Variants in SEMA3A observed in about 807,000 individuals in gnomAD.
SEMA3A encodes semaphorin 3A.
Under a neutral mutation model 97.9 loss-of-function variants are expected in SEMA3A, and 29 were observed. The ratio of observed to expected loss-of-function variants is 0.30; its 90% confidence interval spans 0.22 to 0.40. The LOEUF is 0.40. Among genes scored for constraint, SEMA3A ranks in the 10% least tolerant of loss-of-function variants. The pLI is 1.00. For synonymous variants in SEMA3A, 321 were observed against 323.7 expected, an observed-to-expected ratio of 0.99 and a Z score of 0.09; for missense variants, 763 against 951.3, an observed-to-expected ratio of 0.80 and a Z score of 2.60.
chr7:84,242,542 C>A (rs1799388487), intron 3 of SEMA3A, among the ~76,000 whole-genome samples: 1 of 152,130 alleles, frequency 6.6e-6, no homozygotes, highest in Non-Finnish European at 1.5e-5. Flanking sequence ...ATGGGGTTTT[C>A]TAAATATACA....
intron 1 of SEMA3A, among the ~76,000 whole-genome samples, chr7:84,137,520 T>G (rs952413755): frequency 1.3e-5 from 2 of 151,608 alleles, no homozygotes; most frequent in African/African-American, 4.8e-5. Context: ...CTGAGTTGTG[T>G]GAGGATGGAA....
chr7:84,283,050 T>C (rs1800486658), intron 3 of SEMA3A, among the ~76,000 whole-genome samples: 1 of 152,024 alleles, frequency 6.6e-6, no homozygotes, highest in Non-Finnish European at 1.5e-5. Flanking sequence ...TGAATAAAAT[T>C]ATGTAAATTT....
intron 2 of SEMA3A, among the ~76,000 whole-genome samples, chr7:84,334,700 A>T (rs1341910027): frequency 7.8e-6 from 1 of 128,872 alleles, no homozygotes; most frequent in Non-Finnish European, 1.6e-5. Context: ...CCCTTTTACT[A>T]CCTCCCTTTC....
At chr7:84,479,238 G>A (rs773756141) in intron 1 of SEMA3A, among the ~76,000 whole-genome samples, 40 of 152,246 alleles carry the variant, frequency 2.6e-4, no homozygotes, top group Non-Finnish European at 3.8e-4. Flanking sequence ...CAGTGATTAA[G>A]GTTAATGGCT....
intron 1 of SEMA3A, among the ~76,000 whole-genome samples, chr7:84,170,861 C>T (rs1192182243): frequency 1.3e-5 from 2 of 152,060 alleles, no homozygotes; most frequent in Non-Finnish European, 2.9e-5. Context: ...TTTTATAACA[C>T]TCATTTAATG....
intron 1 of SEMA3A, among the ~76,000 whole-genome samples, chr7:84,157,317 A>G (rs1277444980): frequency 6.6e-6 from 1 of 152,168 alleles, no homozygotes; most frequent in African/African-American, 2.4e-5. Flanking sequence ...TAAAATGACT[A>G]CATCCTTTGA....
At chr7:84,441,671 A>G (rs1805277456) in intron 1 of SEMA3A, among the ~76,000 whole-genome samples, 1 of 152,190 alleles carries the variant, frequency 6.6e-6, no homozygotes, top group Non-Finnish European at 1.5e-5. Context: ...GAATATACAC[A>G]TTAAAGAAAC....
intron 1 of SEMA3A, among the ~76,000 whole-genome samples, chr7:84,488,465 T>C (rs2116448476): frequency 6.6e-6 from 1 of 152,032 alleles, no homozygotes; most frequent in Non-Finnish European, 1.5e-5. Context: ...TCTTTGAAAG[T>C]GGTTGACAGC....
chr7:84,245,259 C>A (rs372385899), intron 3 of SEMA3A, among the ~76,000 whole-genome samples: 1 of 152,068 alleles, frequency 6.6e-6, no homozygotes, highest in Non-Finnish European at 1.5e-5. Context: ...TTCACATAAT[C>A]CCATATTTCT....
At chr7:83,989,954 T>C (rs553094487) in intron 12 of SEMA3A, among the ~76,000 whole-genome samples, 57 of 152,026 alleles carry the variant, frequency 3.7e-4, no homozygotes, top group Admixed American at 7.2e-4. Context: ...AGTATTCCTA[T>C]TTCTCCACAT....
intron 1 of SEMA3A, among the ~76,000 whole-genome samples, chr7:84,384,078 CAA>C (rs1253739155): frequency 6.6e-6 from 1 of 152,122 alleles, no homozygotes; most frequent in East Asian, 1.9e-4. Context: ...GTCTCAATTA[CAA>C]AGAGGGACAC....
chr7:84,433,307 ATGAG>A (rs1554386207), intron 1 of SEMA3A, among the ~76,000 whole-genome samples: 2 of 140,164 alleles, frequency 1.4e-5, no homozygotes, highest in Non-Finnish European at 3.0e-5. Flanking sequence ...ACTCTCACTT[ATGAG>A]TGAGAACATG....
chr7:84,435,984 C>A (rs1308865205), intron 1 of SEMA3A, among the ~76,000 whole-genome samples: 1 of 152,078 alleles, frequency 6.6e-6, no homozygotes, highest in Admixed American at 6.6e-5. Context: ...AAAACAGACA[C>A]ATAGATTAAT....
chr7:83,989,482 C>A (rs1354253265), intron 12 of SEMA3A, among the ~76,000 whole-genome samples: 10 of 128,626 alleles, frequency 7.8e-5, no homozygotes, highest in Admixed American at 1.7e-4. Flanking sequence ...CCCACCCCAC[C>A]ACAGTCTCCA....
chr7:84,391,058 G>C (rs995614046), intron 1 of SEMA3A, among the ~76,000 whole-genome samples: 7 of 152,156 alleles, frequency 4.6e-5, no homozygotes, highest in African/African-American at 1.7e-4. Context: ...GCTTGGCAGG[G>C]TTAGAAAAGT....
chr7:84,078,705 T>C (rs1794039787), intron 4 of SEMA3A, among the ~76,000 whole-genome samples: 1 of 151,924 alleles, frequency 6.6e-6, no homozygotes, highest in Admixed American at 6.6e-5. Context: ...TTTTCACTCA[T>C]TGCTTTATTA....
chr7:84,454,285 G>T (rs1252712545), intron 1 of SEMA3A, among the ~76,000 whole-genome samples: 1 of 152,058 alleles, frequency 6.6e-6, no homozygotes, highest in Non-Finnish European at 1.5e-5. Flanking sequence ...GTAATACTAA[G>T]ACTTTAATGT....
intron 2 of SEMA3A, among the ~76,000 whole-genome samples, chr7:84,337,909 C>G (rs553505072): frequency 4.5e-4 from 69 of 152,036 alleles, no homozygotes; most frequent in Non-Finnish European, 7.8e-4. Context: ...AGTGCTATAT[C>G]TAGGAGGAGA....
intron 1 of SEMA3A, among the ~76,000 whole-genome samples, chr7:84,158,893 A>T (rs1391365964): frequency 8.7e-6 from 1 of 114,706 alleles, no homozygotes; most frequent in East Asian, 2.0e-4. Flanking sequence ...TCTTTAAAAA[A>T]TAATGCATAT....
Sources: allele counts gnomAD v4.1 joint callset (sites outside exome capture counted in the v4.1 genomes callset), GRCh38; gene constraint gnomAD v4.1.1; transcripts MANE v1.5; gene names NCBI Gene and HGNC (gene_info 2026-07-23, HGNC 2026-07-21).